RASGRF2: variants seen among roughly 807,000 people sequenced by gnomAD.
RASGRF2 encodes the protein ras-specific guanine nucleotide-releasing factor 2.
RASGRF2 carries 76 observed loss-of-function variants against 151.0 expected under a neutral mutation model. That is an observed-to-expected ratio of 0.50 (90% CI 0.42 to 0.61). The LOEUF is 0.61. Among genes scored for constraint, RASGRF2 ranks in the 20% least tolerant of loss-of-function variants. The probability of loss-of-function intolerance (pLI) is 0.00; values close to 1 mark genes in which losing one functional copy is unlikely to be tolerated. For missense variants in RASGRF2, 1,148 were observed against 1,564.6 expected (o/e 0.73, Z 4.49); for synonymous variants, 504 against 566.5 (o/e 0.89, Z 1.57).
At chr5:81,172,434 CGTGTGTGTGTGTGTGTGTGTGTGT>C (rs57957668) in intron 17 of RASGRF2, among the ~76,000 whole-genome samples, 2 of 145,618 alleles carry the variant, frequency 1.4e-5, no homozygotes, top group Non-Finnish European at 3.0e-5. Flanking sequence ...CAAGGATGTG[CGTGTGTGTGTGTGTGTGTGTGTGT>C]GTGTGTGTGT....
intron 1 of RASGRF2, among the ~76,000 whole-genome samples, chr5:81,042,018 C>T (rs1273978883): frequency 6.6e-6 from 1 of 152,066 alleles, no homozygotes; most frequent in African/African-American, 2.4e-5. Flanking sequence ...ATCAAGAATT[C>T]TTCTTTTTTT....
At chr5:81,081,098 C>G (rs1363301167) in intron 7 of RASGRF2, among the ~76,000 whole-genome samples, 1 of 152,204 alleles carries the variant, frequency 6.6e-6, no homozygotes, top group East Asian at 1.9e-4. Flanking sequence ...GTCTCCTCCT[C>G]CAGCATGTTT....
chr5:81,091,593 T>C (rs1051093127), intron 9 of RASGRF2, among the ~76,000 whole-genome samples: 1 of 152,210 alleles, frequency 6.6e-6, no homozygotes, highest in Non-Finnish European at 1.5e-5. Context: ...TTTCAATTTC[T>C]GTTAAAAAGT....
At chr5:81,062,487 C>A (rs1751474760) in intron 2 of RASGRF2, among the ~76,000 whole-genome samples, 1 of 151,990 alleles carries the variant, frequency 6.6e-6, no homozygotes, top group African/African-American at 2.4e-5. Flanking sequence ...TTTTTCTTTT[C>A]TAATCCTGAG....
chr5:81,175,007 T>C (rs1417972877), intron 17 of RASGRF2, among the ~76,000 whole-genome samples: 1 of 152,232 alleles, frequency 6.6e-6, no homozygotes, highest in Non-Finnish European at 1.5e-5. Flanking sequence ...GCTTACACTT[T>C]GGATCCTGGC....
chr5:81,151,735 T>G (rs566595968), intron 17 of RASGRF2, among the ~76,000 whole-genome samples: 12 of 152,332 alleles, frequency 7.9e-5, no homozygotes, highest in African/African-American at 2.9e-4. Context: ...TGGGTCCAGC[T>G]GCTGGAACTG....
chr5:81,068,849 G>A (rs548554735), intron 3 of RASGRF2, among the ~76,000 whole-genome samples: 1 of 152,250 alleles, frequency 6.6e-6, no homozygotes, highest in South Asian at 2.1e-4. Flanking sequence ...CCAGGCCTCA[G>A]TCTAGATAGA....
chr5:80,968,821 CTACAAAT>C (rs1747808704), intron 1 of RASGRF2, among the ~76,000 whole-genome samples: 1 of 152,010 alleles, frequency 6.6e-6, no homozygotes, highest in Admixed American at 6.6e-5. Context: ...GTAGTTGGGA[CTACAAAT>C]GTGTGCCACC....
chr5:81,151,977 G>A (rs1327178213), intron 17 of RASGRF2, among the ~76,000 whole-genome samples: 2 of 152,038 alleles, frequency 1.3e-5, no homozygotes, highest in Non-Finnish European at 2.9e-5. Context: ...GGGAACTAAT[G>A]TTAAATCTAT....
At chr5:81,192,165 C>T (rs769999114) in intron 18 of RASGRF2, among the ~76,000 whole-genome samples, 51 of 152,182 alleles carry the variant, frequency 3.4e-4, no homozygotes, top group Non-Finnish European at 8.8e-5. Flanking sequence ...ACAGAGCTTA[C>T]CAGATTTGGG....
rs192223271 is a variant in RASGRF2 at position 81,208,779 on chromosome 5, G to A, written c.3156+341G>A. ...TCGGCCAGACTGGTCTCGAACTCCT[G>A]ACCTCAGGCAATCTGCCTGCCTCAG... On this transcript the variant is annotated intron_variant, in intron 22 of 26. Transcript: ENST00000265080. 1.0e-3 allele frequency among the ~76,000 whole-genome samples: 156 copies of A among 151,954 alleles called. 1 individual carries two copies. The highest frequency in any genetic ancestry group is 5.4e-4 in the Non-Finnish European group (37 of 67,984).
chr5:81,043,609 CCT>C (rs1197908103), intron 2 of RASGRF2, among the ~76,000 whole-genome samples: 1 of 152,016 alleles, frequency 6.6e-6, no homozygotes, highest in African/African-American at 2.4e-5. Context: ...AAGGCAGGTC[CCT>C]CTCTCTTATT....
chr5:81,117,023 T>C (rs533651013), intron 15 of RASGRF2, among the ~76,000 whole-genome samples: 1 of 152,238 alleles, frequency 6.6e-6, no homozygotes, highest in African/African-American at 2.4e-5. Context: ...CTATTTGATA[T>C]CAGCATGATT....
At chr5:81,093,526 C>T (rs755217504) in intron 10 of RASGRF2, among the ~76,000 whole-genome samples, 1 of 152,206 alleles carries the variant, frequency 6.6e-6, no homozygotes, top group Non-Finnish European at 1.5e-5. Flanking sequence ...GTCCTCCTGC[C>T]TCAGCTTCCC....
intron 1 of RASGRF2, among the ~76,000 whole-genome samples, chr5:80,973,753 A>G (rs1437336825): frequency 6.6e-6 from 1 of 152,210 alleles, no homozygotes; most frequent in Non-Finnish European, 1.5e-5. Context: ...AGAAGTGATG[A>G]TCCCTTTTTG....
chr5:81,162,287 C>A (rs1054464531), intron 17 of RASGRF2, among the ~76,000 whole-genome samples: 2 of 151,890 alleles, frequency 1.3e-5, no homozygotes, highest in Non-Finnish European at 2.9e-5. Flanking sequence ...AGAAGGCAGA[C>A]TTCAGCCCTC....
intron 1 of RASGRF2, among the ~76,000 whole-genome samples, chr5:80,980,160 T>C (rs1748251309): frequency 6.6e-6 from 1 of 152,212 alleles, no homozygotes; most frequent in African/African-American, 2.4e-5. Context: ...TCAGCACTCA[T>C]GGATAAGGAA....
intron 1 of RASGRF2, among the ~76,000 whole-genome samples, chr5:80,968,253 C>T (rs1747788057): frequency 1.3e-5 from 2 of 152,150 alleles, no homozygotes; most frequent in African/African-American, 2.4e-5. Context: ...AATACTTTAA[C>T]ACACACAAAA....
intron 1 of RASGRF2, among the ~76,000 whole-genome samples, chr5:81,042,666 C>T (rs1288841197): frequency 6.6e-6 from 1 of 152,130 alleles, no homozygotes; most frequent in African/African-American, 2.4e-5. Flanking sequence ...TTGACCCTTA[C>T]TGAGGTGTGT....
Sources: gnomAD v4.1 joint callset for allele counts (sites outside exome capture counted in the v4.1 genomes callset) on GRCh38, gnomAD v4.1.1 for gene constraint, MANE v1.5 for transcripts, NCBI Gene and HGNC (gene_info 2026-07-23, HGNC 2026-07-21) for gene names.